ERBB4: variants seen among roughly 807,000 people sequenced by gnomAD.
The protein encoded by ERBB4 is erb-b2 receptor tyrosine kinase 4.
ERBB4 carries 42 observed loss-of-function variants against 158.0 expected under a neutral mutation model. That is an observed-to-expected ratio of 0.27 (90% CI 0.21 to 0.34). ERBB4 has a LOEUF of 0.34. ERBB4 is among the 10% of genes least tolerant of loss of function. The pLI is 1.00. For synonymous variants in ERBB4, 583 were observed against 558.7 expected (o/e 1.04, Z -0.61); for missense variants, 1,333 against 1,624.1 (o/e 0.82, Z 3.08).
chr2:212,117,021 T>C (rs2079591001), intron 2 of ERBB4, among the ~76,000 whole-genome samples: 1 of 152,184 alleles, frequency 6.6e-6, no homozygotes, highest in Non-Finnish European at 1.5e-5. Flanking sequence ...AGTTTCAATT[T>C]AAAAGCCAGC....
At chr2:212,312,958 T>A (rs2087114170) in intron 1 of ERBB4, among the ~76,000 whole-genome samples, 1 of 150,924 alleles carries the variant, frequency 6.6e-6, no homozygotes, top group Admixed American at 6.6e-5. Context: ...AGTTTTAAAT[T>A]CATCCACTAA....
At chr2:212,324,257 CTGTTA>C (rs1255782000) in intron 1 of ERBB4, among the ~76,000 whole-genome samples, 5 of 150,590 alleles carry the variant, frequency 3.3e-5, no homozygotes, top group African/African-American at 1.2e-4. Flanking sequence ...TCTAAACTTC[CTGTTA>C]TATTAAATAA....
chr2:211,998,804 G>A (rs1337483854), intron 2 of ERBB4, among the ~76,000 whole-genome samples: 1 of 151,646 alleles, frequency 6.6e-6, no homozygotes, highest in African/African-American at 2.4e-5. Context: ...GTGATTAGGT[G>A]AGATATAATT....
intron 3 of ERBB4, among the ~76,000 whole-genome samples, chr2:211,887,501 C>G (rs903822783): frequency 3.3e-5 from 5 of 152,152 alleles, no homozygotes; most frequent in South Asian, 4.1e-4. Context: ...CTAATTACCT[C>G]AAGACAAAAG....
intron 15 of ERBB4, among the ~76,000 whole-genome samples, chr2:211,661,765 C>T (rs2071427878): frequency 6.6e-6 from 1 of 151,934 alleles, no homozygotes; most frequent in East Asian, 1.9e-4. Flanking sequence ...TACGGCCGGG[C>T]GCGGTGGCTC....
chr2:212,322,309 G>C (rs10164675), intron 1 of ERBB4, among the ~76,000 whole-genome samples: 1 of 149,816 alleles, frequency 6.7e-6, no homozygotes, highest in South Asian at 2.1e-4. Flanking sequence ...GATAGTAAGA[G>C]CTCTTAAACA....
At chr2:211,734,368 T>C (rs1178649352) in intron 5 of ERBB4, among the ~76,000 whole-genome samples, 1 of 152,092 alleles carries the variant, frequency 6.6e-6, no homozygotes, top group African/African-American at 2.4e-5. Context: ...AGTGGGTGTA[T>C]AAATTGATAC....
chr2:212,146,488 T>C (rs548834215), intron 1 of ERBB4, among the ~76,000 whole-genome samples: 155 of 152,272 alleles, frequency 1.0e-3, no homozygotes, highest in African/African-American at 3.7e-3. Context: ...AATTGTGCAC[T>C]ATTTCTTCTC....
chr2:212,349,041 T>C (rs943334317), intron 1 of ERBB4, among the ~76,000 whole-genome samples: 5 of 152,116 alleles, frequency 3.3e-5, no homozygotes, highest in Non-Finnish European at 5.9e-5. Flanking sequence ...ATTGTCAATA[T>C]TTTATTTCGA....
At chr2:212,515,707 C>CA (rs985671362) in intron 1 of ERBB4, among the ~76,000 whole-genome samples, 3 of 151,294 alleles carry the variant, frequency 2.0e-5, no homozygotes, top group South Asian at 2.1e-4. Context: ...TTTAAAAAAA[C>CA]AAAAAAAATT....
chr2:211,448,922 T>A (rs1051020098), intron 20 of ERBB4, among the ~76,000 whole-genome samples: 22 of 152,156 alleles, frequency 1.4e-4, no homozygotes, highest in African/African-American at 5.1e-4. Flanking sequence ...TTGGGTAAAC[T>A]ATGATATTGA....
intron 3 of ERBB4, among the ~76,000 whole-genome samples, chr2:211,926,976 C>T (rs575040500): frequency 6.6e-5 from 10 of 152,178 alleles, no homozygotes; most frequent in South Asian, 2.1e-4. Context: ...ACATAAGACC[C>T]GTCAAACATT....
chr2:211,387,632 A>T (rs534345339), intron 26 of ERBB4, among the ~76,000 whole-genome samples: 3 of 150,590 alleles, frequency 2.0e-5, no homozygotes, highest in African/African-American at 7.3e-5. Flanking sequence ...TCATCACTAT[A>T]ATTCTGACTT....
rs74636847 is a variant in ERBB4, at chr2:212,228,880, T to C, written c.83-103977A>G. The stretch of plus-strand genomic sequence containing the variant: ...AGTTTAGAGTCATCTAGACAATAAA[T>C]TTCAACAAATTGGATCAGCTAGGCT... On this transcript the variant is annotated intron_variant, in intron 1 of 27. Transcript: ENST00000342788. 2.6e-3 allele frequency among the ~76,000 whole-genome samples: 398 copies of C among 152,308 alleles called. 1 individual carries two copies. The highest frequency in any genetic ancestry group is 8.3e-3 in the African/African-American group (344 of 41,576).
intron 2 of ERBB4, among the ~76,000 whole-genome samples, chr2:211,959,036 A>G (rs1161938926): frequency 2.0e-5 from 3 of 151,994 alleles, no homozygotes; most frequent in Admixed American, 6.6e-5. Flanking sequence ...TCCTAACGTA[A>G]ATGTATTTTT....
chr2:212,176,305 G>C (rs1575750851), intron 1 of ERBB4, among the ~76,000 whole-genome samples: 3 of 151,948 alleles, frequency 2.0e-5, no homozygotes. Flanking sequence ...TGGTATTTCA[G>C]GGTGGAGTCT....
chr2:211,422,488 CAAAAA>C (rs57602784), intron 23 of ERBB4, among the ~76,000 whole-genome samples: 1 of 102,412 alleles, frequency 9.8e-6, no homozygotes, highest in Non-Finnish European at 2.2e-5. Context: ...TCCTGGTGGA[CAAAAA>C]AAAAAAAAAA....
chr2:211,730,075 G>A (rs1301475599), intron 5 of ERBB4, among the ~76,000 whole-genome samples: 3 of 151,940 alleles, frequency 2.0e-5, no homozygotes, highest in African/African-American at 7.2e-5. Flanking sequence ...ATACTACTGA[G>A]AGAATGTCTA....
At chr2:211,967,822 A>T (rs1176965772) in intron 2 of ERBB4, among the ~76,000 whole-genome samples, 1 of 152,004 alleles carries the variant, frequency 6.6e-6, no homozygotes, top group Non-Finnish European at 1.5e-5. Flanking sequence ...AAAATTCTGC[A>T]GGTAATCATT....
Sources: gnomAD v4.1 joint callset for allele counts (sites outside exome capture counted in the v4.1 genomes callset) on GRCh38, gnomAD v4.1.1 for gene constraint, MANE v1.5 for transcripts, NCBI Gene and HGNC (gene_info 2026-07-23, HGNC 2026-07-21) for gene names.